CACNA2D1: variants seen among roughly 807,000 people sequenced by gnomAD.
CACNA2D1 encodes the protein calcium voltage-gated channel auxiliary subunit alpha2delta 1.
In CACNA2D1, 53 loss-of-function variants were observed where a neutral mutation model predicts 171.5. That is an observed-to-expected ratio of 0.31 (90% CI 0.25 to 0.39). The LOEUF (loss-of-function observed/expected upper bound fraction) is 0.39. Among genes scored for constraint, CACNA2D1 ranks in the 10% least tolerant of loss-of-function variants. The pLI is 1.00. For synonymous variants in CACNA2D1, 442 were observed against 443.1 expected, an observed-to-expected ratio of 1.00 and a Z score of 0.03; for missense variants, 903 against 1,299.8, an observed-to-expected ratio of 0.69 and a Z score of 4.69.
At chr7:82,397,473 T>C (rs73384028) in intron 1 of CACNA2D1, among the ~76,000 whole-genome samples, 7,144 of 152,288 alleles carry the variant, frequency 0.047, 185 homozygotes, top group Middle Eastern at 0.065. Flanking sequence ...AGTATTTTTA[T>C]ATTGCAAGTG....
chr7:82,060,800 T>C (rs1311717147), intron 9 of CACNA2D1, among the ~76,000 whole-genome samples: 1 of 151,962 alleles, frequency 6.6e-6, no homozygotes, highest in Non-Finnish European at 1.5e-5. Context: ...AAAAAAAATA[T>C]GGATACTGAT....
intron 5 of CACNA2D1, among the ~76,000 whole-genome samples, chr7:82,134,547 A>G (rs926644153): frequency 9.9e-5 from 15 of 152,218 alleles, no homozygotes; most frequent in African/African-American, 3.6e-4. Context: ...TGACCATCAT[A>G]GTTTTAAGTT....
At chr7:82,018,827 T>C (rs1800824602) in intron 12 of CACNA2D1, among the ~76,000 whole-genome samples, 1 of 151,322 alleles carries the variant, frequency 6.6e-6, no homozygotes, top group Non-Finnish European at 1.5e-5. Flanking sequence ...CTACTAAAAA[T>C]ACAAAAATTA....
At position 82,366,420 on chromosome 7, in the gene CACNA2D1, T is replaced by C. The variant is rs142006309; in HGVS notation, c.96-16771A>G. 8.0e-3 allele frequency among the ~76,000 whole-genome samples: 1,221 copies of C among 152,296 alleles called. 21 individuals carry two copies. Among genetic ancestry groups the C allele is most frequent in the Non-Finnish European group, 0.012 (812 of 68,028 alleles). ...AATCTTTGTCTATTATTTCAATCTT[T>C]ATAACCATGTGCACCCAATGTTCAC... On this transcript the variant is annotated intron_variant, in intron 1 of 38. Coordinates refer to ENST00000356860, the MANE Select transcript of CACNA2D1 (RefSeq NM_000722.4).
intron 10 of CACNA2D1, among the ~76,000 whole-genome samples, chr7:82,045,292 G>A (rs1480269794): frequency 6.6e-6 from 1 of 151,974 alleles, no homozygotes; most frequent in African/African-American, 2.4e-5. Flanking sequence ...GAATTTGATT[G>A]CTAGCAAAAT....
chr7:82,112,164 A>G (rs932256728), intron 6 of CACNA2D1, among the ~76,000 whole-genome samples: 1 of 152,178 alleles, frequency 6.6e-6, no homozygotes, highest in African/African-American at 2.4e-5. Context: ...AATCTACCCT[A>G]CACATATTAA....
chr7:82,195,732 G>A (rs1283533551), intron 3 of CACNA2D1, among the ~76,000 whole-genome samples: 1 of 151,298 alleles, frequency 6.6e-6, no homozygotes, highest in Non-Finnish European at 1.5e-5. Context: ...TCACAGCTTG[G>A]CCTGGCTCAC....
At chr7:82,099,057 C>A (rs258667) in intron 6 of CACNA2D1, among the ~76,000 whole-genome samples, 3 of 152,082 alleles carry the variant, frequency 2.0e-5, no homozygotes, top group East Asian at 3.9e-4. Flanking sequence ...CTTCCCAAAA[C>A]GCATTTGCCT....
rs188529526 is a variant in CACNA2D1 at position 81,967,124 on chromosome 7, C to A, written c.2502+45G>T. 18 of 1,461,272 alleles carry A rather than the reference C, an allele frequency of 1.2e-5. No individual in the cohort carries two copies. The African/African-American group carries it at 2.5e-4, about 20-fold the overall frequency. The allele number at this position is 1,461,272 out of a possible 1,614,324, so 90.5% of individuals were successfully genotyped here. ...CACTATAGTCTTAGCAAGAGTAACACAAGGAAATATTGTACTCAAAAGTGA... is the reference window on the plus strand; with the variant it reads ...CACTATAGTCTTAGCAAGAGTAACAAAAGGAAATATTGTACTCAAAAGTGA... On this transcript the variant is annotated intron_variant, in intron 31 of 38. Transcript: ENST00000356860.
At position 82,399,079 on chromosome 7, in the gene CACNA2D1, G is replaced by C. The variant is rs11975498; in HGVS notation, c.95+44286C>G. Among the ~76,000 whole-genome samples the C allele has an allele frequency of 1.0e-3, 157 of 152,228 alleles. 1 individual carries two copies. The highest frequency in any genetic ancestry group is 3.6e-3 in the African/African-American group (149 of 41,536). ...ACACTCACCAAAATCTGGCTGGTTT[G>C]TGATTAGTATGAGATGAAGTTTAAA... On this transcript the variant is annotated intron_variant, in intron 1 of 38. Transcript: ENST00000356860.
At chr7:82,130,985 G>A (rs1790913033) in intron 5 of CACNA2D1, among the ~76,000 whole-genome samples, 1 of 151,822 alleles carries the variant, frequency 6.6e-6, no homozygotes. Flanking sequence ...ATATTTTTTA[G>A]TAGAGACAGG....
intron 3 of CACNA2D1, among the ~76,000 whole-genome samples, chr7:82,181,383 G>C (rs925961737): frequency 3.9e-5 from 6 of 152,128 alleles, no homozygotes; most frequent in Non-Finnish European, 7.3e-5. Flanking sequence ...TGGACCTTAA[G>C]AGTCACGATG....
intron 4 of CACNA2D1, among the ~76,000 whole-genome samples, chr7:82,167,288 A>T (rs963065265): frequency 6.6e-6 from 1 of 152,086 alleles, no homozygotes; most frequent in African/African-American, 2.4e-5. Context: ...GAGAAAATTT[A>T]CAATTGTTTT....
chr7:81,956,929 GTTAA>G (rs991145729), intron 38 of CACNA2D1, among the ~76,000 whole-genome samples: 2 of 151,956 alleles, frequency 1.3e-5, no homozygotes, highest in Admixed American at 6.6e-5. Context: ...TTCTTAAAAG[GTTAA>G]TTAATAATTT....
Position 82,117,032 on chromosome 7 carries a change from T to C in CACNA2D1, c.526+12A>G, listed in dbSNP as rs761986694. ...ATGGTATTCCAACAGATGTTAACAT[T>C]CTTTTACTTACAGCCCTCATAGATG... On this transcript the variant is annotated intron_variant, in intron 6 of 38. Transcript: ENST00000356860. 1.2e-6 allele frequency: 2 copies of C among 1,613,560 alleles called. No homozygotes were observed. The highest frequency in any genetic ancestry group is 1.7e-6 in the Non-Finnish European group (2 of 1,179,610).
rs1397891716 is a variant in CACNA2D1, at chr7:82,186,212, G to A, written c.295-15603C>T. On this transcript the variant is annotated intron_variant, in intron 3 of 38. Coordinates refer to ENST00000356860, the MANE Select transcript of CACNA2D1 (RefSeq NM_000722.4). ...GGAAGGGAGGGAGGGAGGGAGGGAG[G>A]GAGGGAAAGAGAGAGAGAGAAGGAA... 4.0e-4 allele frequency among the ~76,000 whole-genome samples: 43 copies of A among 106,964 alleles called. 1 individual carries two copies. In the East Asian group the frequency reaches 0.011, roughly 27 times the overall value. 70.2% of individuals were successfully genotyped at this position (106,964 alleles called of 152,430 possible).
At chr7:82,355,963 A>G (rs949015406) in intron 1 of CACNA2D1, among the ~76,000 whole-genome samples, 1 of 151,776 alleles carries the variant, frequency 6.6e-6, no homozygotes, top group African/African-American at 2.4e-5. Flanking sequence ...CCCTCCCCAT[A>G]CTATAAACCC....
At chr7:82,090,106 A>G (rs1245147442) in intron 6 of CACNA2D1, among the ~76,000 whole-genome samples, 1 of 152,172 alleles carries the variant, frequency 6.6e-6, no homozygotes, top group Admixed American at 6.5e-5. Context: ...TCACCTTTAC[A>G]TAACTACCAT....
intron 4 of CACNA2D1, among the ~76,000 whole-genome samples, chr7:82,151,691 TACAGA>T (rs1563125382): frequency 4.6e-5 from 7 of 152,080 alleles, no homozygotes; most frequent in Non-Finnish European, 8.8e-5. Flanking sequence ...CTGAGCCAAT[TACAGA>T]GTTGTCTACA....
Sources: allele counts gnomAD v4.1 joint callset (sites outside exome capture counted in the v4.1 genomes callset), GRCh38; gene constraint gnomAD v4.1.1; transcripts MANE v1.5; gene names NCBI Gene and HGNC (gene_info 2026-07-23, HGNC 2026-07-21).